Variants in HCN2 observed in about 807,000 individuals in gnomAD.
HCN2 encodes the protein potassium/sodium hyperpolarization-activated cyclic nucleotide-gated channel 2.
In HCN2, 20 loss-of-function variants were observed where a neutral mutation model predicts 52.3. That is an observed-to-expected ratio of 0.38 (90% CI 0.27 to 0.56). The LOEUF (loss-of-function observed/expected upper bound fraction) is 0.56, where lower values mean the gene tolerates loss of function less well. HCN2 is among the 20% of genes least tolerant of loss of function. The probability of loss-of-function intolerance (pLI) is 0.71; values close to 1 mark genes in which losing one functional copy is unlikely to be tolerated. For synonymous variants in HCN2, 694 were observed against 537.0 expected (o/e 1.29, Z -4.04); for missense variants, 981 against 1,207.7 (o/e 0.81, Z 2.78).
chr19:611,404 AG>A, intron 5 of HCN2, among the ~76,000 whole-genome samples: 1 of 152,154 alleles, frequency 6.6e-6, no homozygotes, highest in East Asian at 1.9e-4. Context: ...TGAGCCAGGC[AG>A]GGTGTCCCCG....
Position 605,190 on chromosome 19 carries a change from C to T in HCN2, c.1186C>T (p.Arg396Cys). The T allele has an allele frequency of 6.2e-7, 1 of 1,610,922 alleles. No homozygotes were observed. The highest frequency in any genetic ancestry group is 8.5e-7 in the Non-Finnish European group (1 of 1,179,552). ...FLVPMLQDFPRNCWVSINGMV... is the reference protein window; with the variant it reads ...FLVPMLQDFPCNCWVSINGMV... ...GGTGCCTATGCTGCAGGACTTCCCG[C>T]GCAACTGCTGGGTGTCCATCAATGG... Residue 396 changes from arginine (R) to cysteine (C), a missense_variant, in exon 3 of 8, where the codon CGC becomes TGC. This residue lies in a region of HCN2 where 282 missense variants were observed against 553.8 expected (regional missense o/e 0.51). Coordinates refer to ENST00000251287, the MANE Select transcript of HCN2 (RefSeq NM_001194.4).
At chr19:614,248 G>A (rs1405394716) in intron 7 of HCN2, among the ~76,000 whole-genome samples, 1 of 152,190 alleles carries the variant, frequency 6.6e-6, no homozygotes, top group Non-Finnish European at 1.5e-5. Context: ...TGGGTCTAGA[G>A]GCTGATTTTC....
At chr19:607,608 C>G (rs1983465978) in intron 3 of HCN2, among the ~76,000 whole-genome samples, 1 of 152,216 alleles carries the variant, frequency 6.6e-6, no homozygotes, top group South Asian at 2.1e-4. Context: ...TCTGCCCGCC[C>G]TGCCCCTCTG....
rs1237968995 is a variant in HCN2 at position 589,881 on chromosome 19, C to A, written c.-65C>A. 9.5e-5 allele frequency: 43 copies of A among 451,764 alleles called. No homozygotes were observed. The highest frequency in any genetic ancestry group is 1.1e-4 in the Non-Finnish European group (40 of 353,044). The allele number at this position is 451,764 out of a possible 1,614,324, so 28.0% of individuals were successfully genotyped here. ...CCCGCCCCGCCCCCGCCTCCCCCCT[C>A]CCTCGGGCTCCGGCCGGCGGCGGCG... On this transcript the variant is annotated 5_prime_UTR_variant, in exon 1 of 8. Coordinates refer to ENST00000251287, the MANE Select transcript of HCN2 (RefSeq NM_001194.4).
chr19:593,802 T>A (rs974846195), intron 1 of HCN2, among the ~76,000 whole-genome samples: 10 of 152,098 alleles, frequency 6.6e-5, no homozygotes, highest in African/African-American at 2.4e-4. Context: ...TTCCAGAGGC[T>A]CAAGTTCCCT....
At chr19:608,787 G>A (rs1983510719) in intron 4 of HCN2, among the ~76,000 whole-genome samples, 2 of 152,176 alleles carry the variant, frequency 1.3e-5, no homozygotes. Flanking sequence ...GAGGCCTGGG[G>A]TTGCTTCAGG....
chr19:614,212 G>C (rs1304975144), intron 7 of HCN2, among the ~76,000 whole-genome samples, 196 bp downstream of exon 7: 1 of 152,196 alleles, frequency 6.6e-6, no homozygotes, highest in Non-Finnish European at 1.5e-5. Context: ...GGCAGGGGCA[G>C]CGGCTGGCCG....
chr19:612,008 G>A (rs138401882), intron 5 of HCN2, among the ~76,000 whole-genome samples: 2 of 152,276 alleles, frequency 1.3e-5, no homozygotes, highest in Non-Finnish European at 2.9e-5. Context: ...AGCCGGGCGT[G>A]GTGGTGGGCG....
At chr19:606,033 A>C (rs1345977111) in intron 3 of HCN2, among the ~76,000 whole-genome samples, 1 of 152,186 alleles carries the variant, frequency 6.6e-6, no homozygotes, top group Non-Finnish European at 1.5e-5. Flanking sequence ...TGTCACCCAG[A>C]CATCTGCTTA....
chr19:613,773 A>C, intron 6 of HCN2, 79 bp from the exon 7 acceptor site: 1 of 1,365,056 alleles, frequency 7.3e-7, no homozygotes, highest in East Asian at 2.9e-5. Context: ...CAAGGTGCAG[A>C]GGCCGGGCCG....
intron 4 of HCN2, 35 bp from the exon 5 acceptor site, chr19:610,224 G>A (rs754157337): frequency 5.6e-6 from 9 of 1,604,790 alleles, no homozygotes; most frequent in East Asian, 2.2e-5. Context: ...CAGGCCGGGG[G>A]CGGTGTCTGA....
chr19:595,451 C>T (rs1600517365), intron 1 of HCN2, among the ~76,000 whole-genome samples: 1 of 152,300 alleles, frequency 6.6e-6, no homozygotes, highest in Non-Finnish European at 1.5e-5. Flanking sequence ...CCAGCCCTCC[C>T]CAGTCATGTC....
intron 1 of HCN2, among the ~76,000 whole-genome samples, chr19:599,744 T>C (rs1407477609): frequency 1.3e-5 from 2 of 151,840 alleles, no homozygotes; most frequent in Non-Finnish European, 2.9e-5. Flanking sequence ...GCCGAGATTG[T>C]GCCATCGCAC....
In HCN2 at chr19:590,019, C is replaced by A. The variant is rs1982815166; in HGVS notation, c.74C>A (p.Pro25Gln). Residue 25 changes from proline (P) to glutamine (Q), a missense_variant, in exon 1 of 8, where the codon CCG becomes CAG. Transcript: ENST00000251287. This position sits in a 1 kb window ranked among gnomAD's most constrained non-coding sequence, Gnocchi z 7.2. Reference sequence around the variant, plus strand: ...ACCCCCGCGCCGGGGCCGCCGCCGCCGCCGCCGCCCGCGCCCCCCCAACAG... The same window carrying A: ...ACCCCCGCGCCGGGGCCGCCGCCGCAGCCGCCGCCCGCGCCCCCCCAACAG... ...GATPAPGPPP[P>Q]PPPAPPQQQP... The A allele has an allele frequency of 3.3e-6, 2 of 601,448 alleles. No individual in the cohort carries two copies. The highest frequency in any genetic ancestry group is 4.1e-6 in the Non-Finnish European group (2 of 490,818). The allele number at this position is 601,448 out of a possible 1,614,324, so 37.3% of individuals were successfully genotyped here.
Position 613,692 on chromosome 19 carries a change from C to CGGGGAT in HCN2, c.1826-155_1826-150dup, listed in dbSNP as rs1273682420. Among the ~76,000 whole-genome samples the CGGGGAT allele has an allele frequency of 2.1e-4, 4 of 19,364 alleles. 1 individual carries two copies. The highest frequency in any genetic ancestry group is 1.1e-3 in the African/African-American group (4 of 3,638). The allele number at this position is 19,364 out of a possible 152,430, so 12.7% of individuals were successfully genotyped here. On this transcript the variant is annotated intron_variant, in intron 6 of 7. Transcript: ENST00000251287. ...ATGGGGATGGGGCCGGGGATGGGGC[C>CGGGGAT]GGGGATGGGGCCGGGGATGGGGCCG...
rs1484105255 is a variant in HCN2, at chr19:616,557, G to A, written c.*83G>A. On this transcript the variant is annotated 3_prime_UTR_variant, in exon 8 of 8. Coordinates refer to ENST00000251287, the MANE Select transcript of HCN2 (RefSeq NM_001194.4). ...CAAAGCCATGCCATTGCGCTGCCCC[G>A]GCCGCCAGTCCGCCCAGAAGCCATA... is the stretch of plus-strand genomic sequence containing the variant. The A allele has an allele frequency of 2.1e-5, 17 of 828,760 alleles. No homozygotes were observed. The highest frequency in any genetic ancestry group is 5.3e-5 in the East Asian group (1 of 18,910). 51.3% of individuals were successfully genotyped at this position (828,760 alleles called of 1,614,324 possible). A position where few individuals can be genotyped will look rare whatever the true frequency, so the allele number is the denominator to read the frequency against.
At chr19:612,727 C>T (rs888170663) in intron 5 of HCN2, among the ~76,000 whole-genome samples, 3 of 136,726 alleles carry the variant, frequency 2.2e-5, no homozygotes, top group Admixed American at 7.4e-5. Context: ...ATTTTTCCCC[C>T]ATTTTCTTTT....
intron 6 of HCN2, among the ~76,000 whole-genome samples, 166 bp from the exon 7 acceptor site, chr19:613,686 T>TCCGGGGCCGGGGCC: frequency 4.8e-5 from 1 of 20,774 alleles, no homozygotes; most frequent in Admixed American, 4.8e-4. Flanking sequence ...GGGCCGGGGA[T>TCCGGGGCCGGGGCC]GGGGCCGGGG....
At position 592,906 on chromosome 19, in the gene HCN2, G is replaced by A. The variant is rs749012205; in HGVS notation, c.632+2329G>A. Among the ~76,000 whole-genome samples the A allele has an allele frequency of 2.0e-5, 3 of 152,332 alleles. No homozygotes were observed. The South Asian group carries it at 6.2e-4, about 32-fold the overall frequency. ...TTCGGGCCCAAGGCCTCCTGTGCCT[G>A]GCTGGGTGTCTTGGGTCCTCGCTGG... On this transcript the variant is annotated intron_variant, in intron 1 of 7. Transcript: ENST00000251287. The surrounding 1 kb of genome is among the most constrained non-coding windows in gnomAD (Gnocchi z 4.8).
Sources: allele counts gnomAD v4.1 joint callset (sites outside exome capture counted in the v4.1 genomes callset), GRCh38; gene constraint gnomAD v4.1.1; regional missense constraint gnomAD v4.1.1; non-coding constraint Gnocchi (gnomAD v3.1); transcripts MANE v1.5; gene names NCBI Gene and HGNC (gene_info 2026-07-23, HGNC 2026-07-21).